The following NRCAM variants were observed in gnomAD, a reference collection of about 807,000 sequenced individuals.
NRCAM encodes NgCAM-related cell adhesion molecule.
NRCAM carries 83 observed loss-of-function variants against 156.5 expected under a neutral mutation model. The observed-to-expected ratio is 0.53, with a 90% CI of 0.44 to 0.64. The LOEUF (loss-of-function observed/expected upper bound fraction) is 0.64. Ranked by LOEUF, NRCAM falls within the 30% of genes least tolerant of loss-of-function variation. The pLI is 0.00. For missense variants in NRCAM, 1,417 were observed against 1,597.3 expected, an observed-to-expected ratio of 0.89 and a Z score of 1.92; for synonymous variants, 538 against 563.9, an observed-to-expected ratio of 0.95 and a Z score of 0.65.
intron 1 of NRCAM, among the ~76,000 whole-genome samples, chr7:108,407,586 C>T (rs1226052064): frequency 1.3e-5 from 2 of 152,202 alleles, no homozygotes; most frequent in South Asian, 2.1e-4. Context: ...CACAGCCCTG[C>T]CCTCACCATT....
intron 2 of NRCAM, among the ~76,000 whole-genome samples, chr7:108,367,791 TATAA>T (rs1276136063): frequency 2.0e-5 from 3 of 152,226 alleles, no homozygotes; most frequent in Non-Finnish European, 4.4e-5. Context: ...CAATGTGTCA[TATAA>T]ATAGTCATTT....
At chr7:108,209,320 A>C in intron 12 of NRCAM, 101 bp downstream of exon 12, 1 of 799,130 alleles carries the variant, frequency 1.3e-6, no homozygotes, top group Non-Finnish European at 1.9e-6. Context: ...TGTTGACATA[A>C]CTTTACATTT....
At chr7:108,211,803 G>C (rs964186345) in intron 11 of NRCAM, among the ~76,000 whole-genome samples, 21 of 152,094 alleles carry the variant, frequency 1.4e-4, no homozygotes, top group African/African-American at 5.1e-4. Flanking sequence ...CCCACCTGAG[G>C]GGCCTTCTCT....
chr7:108,260,742 A>T (rs958442562), intron 3 of NRCAM, among the ~76,000 whole-genome samples: 1 of 152,178 alleles, frequency 6.6e-6, no homozygotes, highest in Non-Finnish European at 1.5e-5. Context: ...GGGCCCACAC[A>T]GAGCTGGAAC....
chr7:108,372,351 A>T (rs2099633723), intron 2 of NRCAM, among the ~76,000 whole-genome samples: 1 of 116,674 alleles, frequency 8.6e-6, no homozygotes, highest in South Asian at 3.2e-4. Context: ...AATAAGTGGG[A>T]CTATATCAAA....
At chr7:108,161,437 G>A (rs951603854) in intron 30 of NRCAM, among the ~76,000 whole-genome samples, 4 of 152,126 alleles carry the variant, frequency 2.6e-5, no homozygotes, top group Admixed American at 2.0e-4. Flanking sequence ...AGCATCAATG[G>A]CTATTCAGAC....
intron 30 of NRCAM, among the ~76,000 whole-genome samples, chr7:108,164,870 C>T (rs1230300045): frequency 3.9e-5 from 6 of 152,210 alleles, no homozygotes; most frequent in African/African-American, 1.2e-4. Flanking sequence ...CCACCTATCA[C>T]GATTCCTCAC....
At chr7:108,341,711 C>T (rs1221012247) in intron 2 of NRCAM, among the ~76,000 whole-genome samples, 1 of 152,130 alleles carries the variant, frequency 6.6e-6, no homozygotes, top group Non-Finnish European at 1.5e-5. Context: ...CTACCAAAGG[C>T]AGTACCCCCT....
Position 108,189,682 on chromosome 7 carries a change from T to G in NRCAM, c.1998A>C (p.Ser666=), listed in dbSNP as rs889202192. The G allele has an allele frequency of 6.4e-7, 1 of 1,552,220 alleles. No homozygotes were observed. The highest frequency in any genetic ancestry group is 8.9e-7 in the Non-Finnish European group (1 of 1,125,836). ...TDQLDKSVQL[S]WTPGDDNNSP... is the part of the protein sequence containing the mutation. ...TATTGTTGTCATCGCCTGGGGTCCA[T>G]GACAGCTGAACACTTTTGTCAAGTT... The change falls in exon 20 of 33, where the codon TCA becomes TCC. Residue 666 remains serine (S), a synonymous_variant. Coordinates refer to ENST00000379028, the MANE Select transcript of NRCAM (RefSeq NM_001037132.4).
At chr7:108,189,554 T>C in intron 20 of NRCAM, 91 bp downstream of exon 20, 1 of 703,682 alleles carries the variant, frequency 1.4e-6, no homozygotes, top group Non-Finnish European at 2.6e-6. Flanking sequence ...TCCCAGTAAA[T>C]ACCTTTGTGA....
intron 2 of NRCAM, chr7:108,313,435 A>T (rs922978011): frequency 1.3e-5 from 2 of 152,140 alleles, no homozygotes; most frequent in Admixed American, 6.6e-5. Flanking sequence ...TGTCTTTTTG[A>T]ACTTTGGATT....
chr7:108,452,408 T>G (rs906673175), intron 1 of NRCAM, among the ~76,000 whole-genome samples: 3 of 151,040 alleles, frequency 2.0e-5, no homozygotes, highest in Non-Finnish European at 4.4e-5. Context: ...ATTAATGCTG[T>G]GGGGGGGGGA....
intron 2 of NRCAM, among the ~76,000 whole-genome samples, chr7:108,380,043 C>T (rs1371061195): frequency 1.3e-5 from 2 of 151,838 alleles, no homozygotes; most frequent in African/African-American, 4.8e-5. Flanking sequence ...AAATATACAC[C>T]AAGACATATT....
intron 27 of NRCAM, 117 bp downstream of exon 27, chr7:108,176,313 T>C (rs2060475241): frequency 1.2e-6 from 1 of 826,536 alleles, no homozygotes; most frequent in Non-Finnish European, 1.9e-6. Context: ...TACAAATAAG[T>C]GTTTGCGTTA....
At chr7:108,335,138 T>C (rs1028753964) in intron 2 of NRCAM, among the ~76,000 whole-genome samples, 11 of 152,186 alleles carry the variant, frequency 7.2e-5, no homozygotes, top group African/African-American at 2.4e-4. Context: ...AAGAAAATTA[T>C]GGAGCTGGAA....
intron 1 of NRCAM, among the ~76,000 whole-genome samples, chr7:108,414,444 T>G (rs1799047752): frequency 1.3e-5 from 2 of 152,150 alleles, no homozygotes; most frequent in Non-Finnish European, 2.9e-5. Flanking sequence ...GAACCCAGGC[T>G]AAGACAATTA....
chr7:108,299,465 A>T (rs1249389968), intron 3 of NRCAM, among the ~76,000 whole-genome samples: 1 of 152,138 alleles, frequency 6.6e-6, no homozygotes, highest in African/African-American at 2.4e-5. Flanking sequence ...TTTCAGATAG[A>T]ATCAGTCATA....
At chr7:108,303,073 T>C (rs1592467076) in intron 3 of NRCAM, among the ~76,000 whole-genome samples, 1 of 152,294 alleles carries the variant, frequency 6.6e-6, no homozygotes, top group African/African-American at 2.4e-5. Flanking sequence ...GCAATTCTCG[T>C]GCCTCAGCCT....
intron 1 of NRCAM, among the ~76,000 whole-genome samples, chr7:108,411,167 A>T (rs190863942): frequency 1.3e-5 from 2 of 152,280 alleles, no homozygotes; most frequent in African/African-American, 4.8e-5. Flanking sequence ...ATGTTCTGTG[A>T]AATGTTATTA....
Sources: gnomAD v4.1 joint callset for allele counts (sites outside exome capture counted in the v4.1 genomes callset) on GRCh38, gnomAD v4.1.1 for gene constraint, MANE v1.5 for transcripts, NCBI Gene and HGNC (gene_info 2026-07-23, HGNC 2026-07-21) for gene names.